The following LRFN5 variants were observed in gnomAD, a reference collection of about 807,000 sequenced individuals.
LRFN5 encodes leucine-rich repeat and fibronectin type-III domain-containing protein 5.
A neutral mutation model predicts 45.6 loss-of-function variants in LRFN5; 24 were observed. The observed-to-expected ratio is 0.53, with a 90% CI of 0.38 to 0.74. The LOEUF (loss-of-function observed/expected upper bound fraction) is 0.74. Ranked by LOEUF, LRFN5 falls within the 30% of genes least tolerant of loss-of-function variation. The pLI, the probability that LRFN5 is intolerant of heterozygous loss-of-function variation, is 0.00. For missense variants in LRFN5, 776 were observed against 861.5 expected (o/e 0.90, Z 1.24); for synonymous variants, 340 against 313.8 (o/e 1.08, Z -0.88).
At chr14:41,894,716 A>T (rs1361554253) in intron 4 of LRFN5, 28 of 985,044 alleles carry the variant, frequency 2.8e-5, no homozygotes, top group Non-Finnish European at 3.3e-5. Flanking sequence ...TGTTGCTTAG[A>T]TGAATGAATG....
At position 41,784,403 on chromosome 14, in the gene LRFN5, A is replaced by T. The variant is rs532096307; in HGVS notation, c.-21+17374A>T. ...TAAAAATTTTTATTTCTTTTTTTTT[A>T]AAAAAACACAGTAATCATTTAGGTT... On this transcript the variant is annotated intron_variant, in intron 2 of 5. Coordinates refer to ENST00000298119, the MANE Select transcript of LRFN5 (RefSeq NM_152447.5). Among the ~76,000 whole-genome samples, 79 of 150,878 alleles carry T rather than the reference A, an allele frequency of 5.2e-4. 2 individuals carry two copies. In the South Asian group the frequency reaches 9.4e-3, roughly 18 times the overall value.
At chr14:41,888,080 ATT>A in intron 3 of LRFN5, 70 bp downstream of exon 3, 1 of 1,187,450 alleles carries the variant, frequency 8.4e-7, no homozygotes, top group Non-Finnish European at 1.2e-6. Flanking sequence ...TGTACTACTG[ATT>A]TTTTTTAATT....
intron 3 of LRFN5, among the ~76,000 whole-genome samples, chr14:41,890,389 A>G (rs1228078303): frequency 6.6e-6 from 1 of 152,274 alleles, no homozygotes; most frequent in South Asian, 2.1e-4. Context: ...GACTGCATTA[A>G]AAAAGGATTA....
intron 2 of LRFN5, among the ~76,000 whole-genome samples, chr14:41,771,137 G>A (rs1236871735): frequency 6.6e-6 from 1 of 151,164 alleles, no homozygotes; most frequent in Non-Finnish European, 1.5e-5. Flanking sequence ...TCTCAAGGCT[G>A]CTCAGGGCAG....
intron 2 of LRFN5, among the ~76,000 whole-genome samples, chr14:41,855,324 G>A (rs28581391): frequency 0.19 from 29,172 of 152,078 alleles, 3,110 homozygotes; most frequent in South Asian, 0.27. Context: ...CCTGGAGACA[G>A]GGGAGGGTTT....
Position 41,657,466 on chromosome 14 carries a change from G to C in LRFN5, c.-197+48904G>C, listed in dbSNP as rs188559070. 6.3e-4 allele frequency among the ~76,000 whole-genome samples: 96 copies of C among 151,876 alleles called. 3 individuals are homozygous for C. The East Asian group carries it at 0.013, about 20-fold the overall frequency. On this transcript the variant is annotated intron_variant, in intron 1 of 5. Transcript: ENST00000298119. ...ACTGTGCTCTGACCCATCTCAGAAG[G>C]ACATCAGAAAGGCAACATTTTAAAA...
At chr14:41,680,132 A>G (rs756472973) in intron 1 of LRFN5, among the ~76,000 whole-genome samples, 1 of 152,072 alleles carries the variant, frequency 6.6e-6, no homozygotes, top group Non-Finnish European at 1.5e-5. Context: ...AAGGTTTACA[A>G]CTCCAGGCTC....
chr14:41,646,755 A>C (rs1879835589), intron 1 of LRFN5, among the ~76,000 whole-genome samples: 1 of 152,180 alleles, frequency 6.6e-6, no homozygotes. Flanking sequence ...ACTGGTACTA[A>C]GGGGATCTCT....
intron 1 of LRFN5, among the ~76,000 whole-genome samples, chr14:41,686,845 G>A (rs1298129960): frequency 6.6e-6 from 1 of 152,174 alleles, no homozygotes; most frequent in East Asian, 1.9e-4. Flanking sequence ...TTGATGTGCT[G>A]CTAGATTCAG....
intron 2 of LRFN5, among the ~76,000 whole-genome samples, chr14:41,806,533 T>A (rs1887532309): frequency 6.6e-6 from 1 of 152,164 alleles, no homozygotes; most frequent in Admixed American, 6.6e-5. Context: ...TTGCTGTGAT[T>A]ACGTGTGATA....
chr14:41,639,658 A>C (rs1879470525), intron 1 of LRFN5, among the ~76,000 whole-genome samples: 2 of 152,178 alleles, frequency 1.3e-5, no homozygotes, highest in African/African-American at 4.8e-5. Flanking sequence ...ATACAGGATA[A>C]CAATGTTTAA....
chr14:41,643,337 T>A (rs1289152892), intron 1 of LRFN5, among the ~76,000 whole-genome samples: 3 of 152,210 alleles, frequency 2.0e-5, no homozygotes, highest in Admixed American at 2.0e-4. Context: ...GTTGAATACA[T>A]ATTAGTGCAA....
chr14:41,753,575 A>T (rs966350330), intron 1 of LRFN5, among the ~76,000 whole-genome samples: 2 of 152,010 alleles, frequency 1.3e-5, no homozygotes, highest in African/African-American at 2.4e-5. Flanking sequence ...TTTGTCTGTT[A>T]TTGGTGTATA....
At chr14:41,856,789 G>A (rs1041103064) in intron 2 of LRFN5, among the ~76,000 whole-genome samples, 1 of 142,380 alleles carries the variant, frequency 7.0e-6, no homozygotes. Context: ...CCATTCTCCT[G>A]CCTCAGCCTC....
intron 1 of LRFN5, among the ~76,000 whole-genome samples, chr14:41,696,608 A>G (rs569384291): frequency 1.4e-5 from 2 of 138,144 alleles, no homozygotes; most frequent in African/African-American, 5.6e-5. Context: ...GCTGGATTAT[A>G]TAGTAGTTCT....
intron 1 of LRFN5, among the ~76,000 whole-genome samples, chr14:41,762,671 A>C (rs1177163598): frequency 6.6e-6 from 1 of 152,100 alleles, no homozygotes; most frequent in Admixed American, 6.5e-5. Context: ...GTTTTAATAA[A>C]ATAGAATTTC....
chr14:41,655,763 G>A (rs1006427705), intron 1 of LRFN5, among the ~76,000 whole-genome samples: 2 of 151,974 alleles, frequency 1.3e-5, no homozygotes, highest in African/African-American at 2.4e-5. Flanking sequence ...ATATTTTGAA[G>A]CTGGAGACCA....
chr14:41,651,943 T>C (rs919711198), intron 1 of LRFN5, among the ~76,000 whole-genome samples: 1 of 152,144 alleles, frequency 6.6e-6, no homozygotes, highest in African/African-American at 2.4e-5. Context: ...GTCTGTGTCA[T>C]AATCTCCACT....
chr14:41,804,130 G>A (rs891704583), intron 2 of LRFN5, among the ~76,000 whole-genome samples: 2 of 152,096 alleles, frequency 1.3e-5, no homozygotes, highest in African/African-American at 4.8e-5. Flanking sequence ...GAAAGTGCTG[G>A]GGTTGCAGTC....
Sources: gnomAD v4.1 joint callset for allele counts (sites outside exome capture counted in the v4.1 genomes callset) on GRCh38, gnomAD v4.1.1 for gene constraint, MANE v1.5 for transcripts, NCBI Gene and HGNC (gene_info 2026-07-23, HGNC 2026-07-21) for gene names.